LRRC37A: variants seen among roughly 807,000 people sequenced by gnomAD.
LRRC37A encodes the protein leucine rich repeat containing 37A, also known as leucine-rich repeat-containing protein 37A.
In LRRC37A, 3 loss-of-function variants were observed where a neutral mutation model predicts 35.4. The ratio of observed to expected loss-of-function variants is 0.08; its 90% CI spans 0.04 to 0.22. The LOEUF (loss-of-function observed/expected upper bound fraction) is 0.22. Among genes scored for constraint, LRRC37A ranks in the 10% least tolerant of loss-of-function variants. The probability of loss-of-function intolerance (pLI) is 1.00; values close to 1 mark genes in which losing one functional copy is unlikely to be tolerated. For synonymous variants in LRRC37A, 23 were observed against 215.0 expected, an observed-to-expected ratio of 0.11 and a Z score of 7.81; for missense variants, 67 against 565.3, an observed-to-expected ratio of 0.12 and a Z score of 8.94.
chr17:46,277,931 C>A, the LRRC37A span, among the ~76,000 whole-genome samples: 290 of 152,162 alleles, frequency 1.9e-3, 2 homozygotes, highest in African/African-American at 3.6e-3. Context: ...CATGAGCCAC[C>A]ATGCCTGGTC....
chr17:46,287,144 T>G, the LRRC37A span, among the ~76,000 whole-genome samples: 1 of 152,264 alleles, frequency 6.6e-6, no homozygotes, highest in African/African-American at 2.4e-5. Flanking sequence ...TGATGCTCTA[T>G]CACATGTGCA....
the LRRC37A span, among the ~76,000 whole-genome samples, chr17:46,280,582 T>C: frequency 6.8e-6 from 1 of 146,714 alleles, no homozygotes; most frequent in East Asian, 2.0e-4. Flanking sequence ...TTTTTTTTTT[T>C]TTTTTTTCCT....
the LRRC37A span, among the ~76,000 whole-genome samples, chr17:46,251,422 C>G: frequency 6.6e-6 from 1 of 152,092 alleles, no homozygotes; most frequent in Non-Finnish European, 1.5e-5. Flanking sequence ...TCACGCCTGG[C>G]TAATTTTGTA....
At chr17:46,248,676 C>T in the LRRC37A span, among the ~76,000 whole-genome samples, 3 of 151,918 alleles carry the variant, frequency 2.0e-5, no homozygotes, top group South Asian at 2.1e-4. Context: ...CATGCCACCA[C>T]GCCTGGCTAA....
At chr17:46,276,790 CTTTTTT>C in the LRRC37A span, among the ~76,000 whole-genome samples, 1 of 134,320 alleles carries the variant, frequency 7.4e-6, no homozygotes, top group Non-Finnish European at 1.6e-5. Context: ...TTCTTTTTTT[CTTTTTT>C]TTTTTTTTTT....
chr17:46,256,580 C>T, the LRRC37A span, among the ~76,000 whole-genome samples: 1 of 152,176 alleles, frequency 6.6e-6, no homozygotes. Flanking sequence ...TAATCAATGT[C>T]TATTGTTTAA....
upstream of LRRC37A, among the ~76,000 whole-genome samples, chr17:46,289,407 G>A (rs1209242742): frequency 2.0e-5 from 3 of 147,524 alleles, no homozygotes; most frequent in African/African-American, 4.9e-5. Context: ...CTGAGCTCAA[G>A]TGATCTGCCT....
chr17:46,277,799 CTTA>C, the LRRC37A span, among the ~76,000 whole-genome samples: 19 of 116,530 alleles, frequency 1.6e-4, no homozygotes, highest in Admixed American at 3.7e-4. Flanking sequence ...GGTGCCCACC[CTTA>C]CGCCTAGCTA....
At chr17:46,279,329 G>A in the LRRC37A span, among the ~76,000 whole-genome samples, 2 of 151,490 alleles carry the variant, frequency 1.3e-5, no homozygotes, top group East Asian at 1.9e-4. Context: ...GATTACAGGT[G>A]CCTACCACAA....
chr17:46,274,373 G>A, the LRRC37A span, among the ~76,000 whole-genome samples: 18,483 of 152,228 alleles, frequency 0.12, no homozygotes, highest in Non-Finnish European at 0.18. Flanking sequence ...AGTCACCAGA[G>A]TCTGTAGTCC....
chr17:46,281,356 G>A, the LRRC37A span, among the ~76,000 whole-genome samples: 28 of 151,712 alleles, frequency 1.8e-4, no homozygotes, highest in African/African-American at 5.6e-4. Flanking sequence ...TTAAAGTCCC[G>A]TGACTCGCAT....
At chr17:46,282,197 G>A in the LRRC37A span, among the ~76,000 whole-genome samples, 1 of 151,872 alleles carries the variant, frequency 6.6e-6, no homozygotes, top group East Asian at 1.9e-4. Flanking sequence ...CTGTCTCCCG[G>A]GTTCATGCCA....
At chr17:46,283,214 C>G in the LRRC37A span, among the ~76,000 whole-genome samples, 19,700 of 151,644 alleles carry the variant, frequency 0.13, 11 homozygotes, top group Middle Eastern at 0.2. Flanking sequence ...TATACCCCCA[C>G]CAGCCTTGCT....
At chr17:46,254,297 AGT>A in the LRRC37A span, among the ~76,000 whole-genome samples, 1 of 135,828 alleles carries the variant, frequency 7.4e-6, no homozygotes, top group Non-Finnish European at 1.7e-5. Context: ...CCCGGGACTC[AGT>A]GGGTCCAGAG....
At chr17:46,258,820 T>C in the LRRC37A span, among the ~76,000 whole-genome samples, 1 of 148,114 alleles carries the variant, frequency 6.8e-6, no homozygotes, top group Admixed American at 6.8e-5. Context: ...GTTCACACCA[T>C]TCTCCTGCCT....
chr17:46,290,154 G>A (rs566886143), upstream of LRRC37A, among the ~76,000 whole-genome samples: 1 of 152,338 alleles, frequency 6.6e-6, no homozygotes, highest in African/African-American at 2.4e-5. Context: ...TTTGGAGACA[G>A]GGCCTCACTT....
At chr17:46,272,779 A>G in the LRRC37A span, among the ~76,000 whole-genome samples, 1 of 152,272 alleles carries the variant, frequency 6.6e-6, no homozygotes, top group African/African-American at 2.4e-5. Context: ...ATAAAACTAT[A>G]AAATGTCTTT....
the LRRC37A span, among the ~76,000 whole-genome samples, chr17:46,261,416 A>AT: frequency 2.0e-5 from 3 of 150,590 alleles, no homozygotes; most frequent in East Asian, 3.9e-4. Flanking sequence ...TATATTTGTA[A>AT]TTTTTTTTTT....
At chr17:46,272,408 TTTTC>T in the LRRC37A span, among the ~76,000 whole-genome samples, 1 of 152,202 alleles carries the variant, frequency 6.6e-6, no homozygotes, top group Non-Finnish European at 1.5e-5. Context: ...AAATGTATGT[TTTTC>T]TTTCTTTTTT....
Sources: allele counts gnomAD v4.1 joint callset (sites outside exome capture counted in the v4.1 genomes callset), GRCh38; gene constraint gnomAD v4.1.1; transcripts MANE v1.5; gene names NCBI Gene and HGNC (gene_info 2026-07-23, HGNC 2026-07-21).